The following LONRF1 variants were observed in gnomAD, a reference collection of about 807,000 sequenced individuals.
LONRF1 encodes the protein LON peptidase N-terminal domain and RING finger protein 1.
LONRF1 carries 37 observed loss-of-function variants against 85.8 expected under a neutral mutation model. The ratio of observed to expected loss-of-function variants is 0.43; its 90% confidence interval spans 0.33 to 0.57. LONRF1 has a LOEUF of 0.57. Among genes scored for constraint, LONRF1 ranks in the 20% least tolerant of loss-of-function variants. The probability of loss-of-function intolerance (pLI) is 0.04; values close to 1 mark genes in which losing one functional copy is unlikely to be tolerated. For synonymous variants in LONRF1, 517 were observed against 390.1 expected, an observed-to-expected ratio of 1.33 and a Z score of -3.83; for missense variants, 1,036 against 978.0, an observed-to-expected ratio of 1.06 and a Z score of -0.79.
At position 12,729,066 on chromosome 8, in the gene LONRF1, A is replaced by G. The variant is rs1798429531; in HGVS notation, c.1848-3T>C. 1.2e-6 allele frequency: 2 copies of G among 1,613,552 alleles called. No individual in the cohort carries two copies. The highest frequency in any genetic ancestry group is 4.5e-5 in the East Asian group (2 of 44,880). On this transcript the variant is annotated splice_region_variant and splice_polypyrimidine_tract_variant and intron_variant, in intron 9 of 11. Transcript: ENST00000398246. ...ACATACAACCATAATCTGCAAAACT[A>G]AAAGAAAACCTTGATTAGTAACAAA...
chr8:12,724,652 G>C (rs1806085859), intron 11 of LONRF1, among the ~76,000 whole-genome samples: 1 of 152,196 alleles, frequency 6.6e-6, no homozygotes, highest in Non-Finnish European at 1.5e-5. Flanking sequence ...AAAGGCAAGG[G>C]TGGTGAAGGT....
intron 8 of LONRF1, 173 bp from the exon 9 acceptor site, chr8:12,729,505 C>G (rs1585225695): frequency 1.7e-6 from 1 of 593,962 alleles, no homozygotes; most frequent in East Asian, 2.9e-5. Flanking sequence ...GCACCCCGTT[C>G]ACTAAGCTCA....
intron 10 of LONRF1, among the ~76,000 whole-genome samples, chr8:12,727,524 C>T (rs1297469948): frequency 2.0e-5 from 3 of 151,836 alleles, no homozygotes; most frequent in Non-Finnish European, 2.9e-5. Context: ...AAAGAGGACT[C>T]GTTTATAAAT....
intron 11 of LONRF1, 63 bp from the exon 12 acceptor site, chr8:12,723,317 A>G: frequency 6.7e-7 from 1 of 1,482,362 alleles, no homozygotes; most frequent in Non-Finnish European, 9.1e-7. Flanking sequence ...ACAGTAGCAA[A>G]CCACCAAAAA....
rs1563152147 is a variant in LONRF1 at position 12,743,341 on chromosome 8, A to G, written c.722-59T>C. ...TTTAAAAGATTATTACATAATCTAC[A>G]AAATATGATCATACCAGATTAAGAA... On this transcript the variant is annotated intron_variant, in intron 1 of 11. Transcript: ENST00000398246. The G allele has an allele frequency of 2.9e-6, 3 of 1,026,750 alleles. No homozygotes were observed. The East Asian group carries it at 7.9e-5, about 27-fold the overall frequency. 63.6% of individuals were successfully genotyped at this position (1,026,750 alleles called of 1,614,324 possible).
rs746457293 is a variant in LONRF1 at position 12,736,959 on chromosome 8, A to T, written c.1295T>A (p.Leu432His). The T allele has an allele frequency of 6.2e-7, 1 of 1,613,488 alleles. No homozygotes were observed. The highest frequency in any genetic ancestry group is 2.2e-5 in the East Asian group (1 of 44,844). ...KGVLLKRKLS[L>H]LEQDVIVNED... is the part of the protein sequence containing the mutation. ...ATTTACAATCACATCCTGTTCTAAAAGAGACAACTTTCTTTTCAGCAGAAC... is the reference window on the plus strand; with the variant it reads ...ATTTACAATCACATCCTGTTCTAAATGAGACAACTTTCTTTTCAGCAGAAC... Residue 432 changes from leucine (L) to histidine (H), a missense_variant, in exon 5 of 12, where the codon CTT becomes CAT. This residue lies in a region of LONRF1 where 742 missense variants were observed against 614.4 expected (regional missense o/e 1.21). Coordinates refer to ENST00000398246, the MANE Select transcript of LONRF1 (RefSeq NM_152271.5).
chr8:12,747,584 CT>C (rs1253720959), intron 1 of LONRF1, among the ~76,000 whole-genome samples: 1 of 152,020 alleles, frequency 6.6e-6, no homozygotes, highest in African/African-American at 2.4e-5. Flanking sequence ...TAAAATGGGT[CT>C]TCTAATGAGC....
At chr8:12,741,383 CA>C (rs753936116) in intron 2 of LONRF1, among the ~76,000 whole-genome samples, 4 of 151,840 alleles carry the variant, frequency 2.6e-5, no homozygotes, top group Non-Finnish European at 4.4e-5. Flanking sequence ...GACTCTGTCT[CA>C]AACAAACAAA....
chr8:12,750,812 T>C (rs760632813), intron 1 of LONRF1, among the ~76,000 whole-genome samples: 3 of 152,192 alleles, frequency 2.0e-5, no homozygotes, highest in Non-Finnish European at 2.9e-5. Flanking sequence ...TACCAAGTGA[T>C]AGAACAGAAC....
intron 1 of LONRF1, among the ~76,000 whole-genome samples, chr8:12,750,134 C>A (rs565669005): frequency 6.6e-6 from 1 of 152,318 alleles, no homozygotes; most frequent in African/African-American, 2.4e-5. Flanking sequence ...ATTCTTGCAA[C>A]TTTTCTTACA....
rs1370792014 is a variant in LONRF1 at position 12,731,727 on chromosome 8, G to C, written c.1688+9C>G. On this transcript the variant is annotated intron_variant, in intron 8 of 11. Transcript: ENST00000398246. Reference sequence around the variant, plus strand: ...TAGTTCATAATTTTTTTTATGAGAAGAAACTTACTGTGAGAGTTCAGCAGT... The same window carrying C: ...TAGTTCATAATTTTTTTTATGAGAACAAACTTACTGTGAGAGTTCAGCAGT... The C allele has an allele frequency of 6.2e-7, 1 of 1,605,990 alleles. No individual in the cohort carries two copies. The highest frequency in any genetic ancestry group is 8.5e-7 in the Non-Finnish European group (1 of 1,177,040).
Position 12,755,460 on chromosome 8 carries a change from G to C in LONRF1, c.-40C>G. 9.3e-7 allele frequency: 1 copy of C among 1,075,004 alleles called. No homozygotes were observed. The highest frequency in any genetic ancestry group is 1.1e-6 in the Non-Finnish European group (1 of 882,366). 66.6% of individuals were successfully genotyped at this position (1,075,004 alleles called of 1,614,324 possible). On this transcript the variant is annotated 5_prime_UTR_variant, in exon 1 of 12. Transcript: ENST00000398246. ...TGCGCCGCCGCCGCCCGCCGCCACG[G>C]TCCCGGAGCCTCCCGGGCGCGCGGC...
rs1395140338 is a variant in LONRF1 at position 12,722,963 on chromosome 8, T to C, written c.*133A>G. On this transcript the variant is annotated 3_prime_UTR_variant, in exon 12 of 12. Transcript: ENST00000398246. Reference sequence around the variant, plus strand: ...GTATTCATTTGCAGAACCACATGATTCAGGAGGTCGAAGGAAAAAGAAAAG... The same window carrying C: ...GTATTCATTTGCAGAACCACATGATCCAGGAGGTCGAAGGAAAAAGAAAAG... 1 of 806,548 alleles carries C rather than the reference T, an allele frequency of 1.2e-6. No homozygotes were observed. The highest frequency in any genetic ancestry group is 1.9e-6 in the Non-Finnish European group (1 of 516,590). 50.0% of individuals were successfully genotyped at this position (806,548 alleles called of 1,614,324 possible). A position where few individuals can be genotyped will look rare whatever the true frequency, so the allele number is the denominator to read the frequency against.
intron 2 of LONRF1, among the ~76,000 whole-genome samples, chr8:12,741,700 C>T (rs570410004): frequency 6.6e-6 from 1 of 152,272 alleles, no homozygotes; most frequent in East Asian, 1.9e-4. Context: ...AAAATTTTGT[C>T]TTAGATTTAG....
chr8:12,750,769 G>A (rs1799351061), intron 1 of LONRF1, among the ~76,000 whole-genome samples: 1 of 152,162 alleles, frequency 6.6e-6, no homozygotes, highest in East Asian at 1.9e-4. Context: ...GTTAACATGT[G>A]TAAACTAAAA....
chr8:12,737,958 T>C, intron 4 of LONRF1, 37 bp downstream of exon 4: 2 of 1,565,562 alleles, frequency 1.3e-6, no homozygotes, highest in Non-Finnish European at 1.7e-6. Context: ...AAGAAATGGA[T>C]ACGCTAAACT....
chr8:12,736,932 T>C lies in LONRF1; in HGVS notation c.1322A>G (p.Glu441Gly), dbSNP rs751599426. The change falls in exon 5 of 12, where the codon GAA becomes GGA. Residue 441 changes from glutamate (E) to glycine (G), a missense_variant. This residue lies in a region of LONRF1 where 742 missense variants were observed against 614.4 expected (regional missense o/e 1.21). Coordinates refer to ENST00000398246, the MANE Select transcript of LONRF1 (RefSeq NM_152271.5). The part of the protein sequence containing the change: ...SLLEQDVIVN[E>G]DGRNKLKKQG... ...TTTTTTCAGCTTATTTCTTCCATCT[T>C]CATTTACAATCACATCCTGTTCTAA... is the stretch of plus-strand genomic sequence containing the variant. 1 of 1,611,712 alleles carries C rather than the reference T, an allele frequency of 6.2e-7. No individual in the cohort carries two copies. Among genetic ancestry groups the C allele is most frequent in the Non-Finnish European group, 8.5e-7 (1 of 1,179,082 alleles).
chr8:12,732,595 G>A (rs1323582625), intron 7 of LONRF1, among the ~76,000 whole-genome samples: 1 of 152,118 alleles, frequency 6.6e-6, no homozygotes, highest in Non-Finnish European at 1.5e-5. Context: ...TCTCACTCCT[G>A]CTTATGCAAA....
chr8:12,738,015 T>C lies in LONRF1; in HGVS notation c.1093A>G (p.Asn365Asp). Residue 365 changes from asparagine (N) to aspartate (D), a missense_variant, in exon 4 of 12, where the codon AAT becomes GAT. Around this residue, in one of 3 missense-constraint regions of LONRF1, gnomAD observed 742 missense variants for 614.4 expected, o/e 1.21. Transcript: ENST00000398246. ...HSVMEESQSL[N>D]EPSPKQSEEI... ...CGTACCTGCTTTGGGCTAGGTTCAT[T>C]GAGAGACTGAGACTCTTCCATCACT... 1.9e-6 allele frequency: 3 copies of C among 1,608,840 alleles called. No homozygotes were observed. The highest frequency in any genetic ancestry group is 2.5e-6 in the Non-Finnish European group (3 of 1,178,048).
Sources: allele counts gnomAD v4.1 joint callset (sites outside exome capture counted in the v4.1 genomes callset), GRCh38; gene constraint gnomAD v4.1.1; regional missense constraint gnomAD v4.1.1; transcripts MANE v1.5; gene names NCBI Gene and HGNC (gene_info 2026-07-23, HGNC 2026-07-21).